The following PALM2AKAP2 variants were observed in gnomAD, a reference collection of about 807,000 sequenced individuals.
PALM2AKAP2 encodes PALM2-AKAP2 fusion protein.
In PALM2AKAP2, 37 loss-of-function variants were observed where a neutral mutation model predicts 71.5. That is an observed-to-expected ratio of 0.52 (90% CI 0.40 to 0.68). The LOEUF (loss-of-function observed/expected upper bound fraction) is 0.68. Ranked by LOEUF, PALM2AKAP2 falls within the 30% of genes least tolerant of loss-of-function variation. The pLI, the probability that PALM2AKAP2 is intolerant of heterozygous loss-of-function variation, is 0.00. For synonymous variants in PALM2AKAP2, 468 were observed against 478.8 expected, an observed-to-expected ratio of 0.98 and a Z score of 0.29; for missense variants, 1,224 against 1,191.8, an observed-to-expected ratio of 1.03 and a Z score of -0.40.
At chr9:110,135,164 A>AAATATATATATATATATATAT in intron 1 of PALM2AKAP2, among the ~76,000 whole-genome samples, 3 of 51,704 alleles carry the variant, frequency 5.8e-5, no homozygotes, top group East Asian at 1.3e-3. Context: ...AAAAAAAAAA[A>AAATATATATATATATATATAT]ATATATAAAT....
In PALM2AKAP2 at chr9:109,896,026, A is replaced by C. The variant is rs200099739; in HGVS notation, c.257+15345A>C. ...TGGTGAAACCCCGTCTCTACTAAAAATACAAAAAATTAGCTGGGCATGGTG... is the reference window on the plus strand; with the variant it reads ...TGGTGAAACCCCGTCTCTACTAAAACTACAAAAAATTAGCTGGGCATGGTG... On this transcript the variant is annotated intron_variant, in intron 3 of 9. Coordinates refer to the PALM2AKAP2 transcript ENST00000302798. Among the ~76,000 whole-genome samples the C allele has an allele frequency of 2.7e-4, 41 of 152,264 alleles. No individual in the cohort carries two copies. In the East Asian group the frequency reaches 7.7e-3, roughly 29 times the overall value.
intron 6 of PALM2AKAP2, among the ~76,000 whole-genome samples, chr9:109,935,527 G>A (rs1831199997): frequency 6.6e-6 from 1 of 152,172 alleles, no homozygotes; most frequent in Admixed American, 6.5e-5. Flanking sequence ...AATGCAATTT[G>A]CCTATTCTTT....
intron 1 of PALM2AKAP2, among the ~76,000 whole-genome samples, chr9:109,845,114 A>G (rs1167515638): frequency 1.3e-5 from 2 of 152,224 alleles, no homozygotes; most frequent in Non-Finnish European, 2.9e-5. Flanking sequence ...CTGCTTACTA[A>G]GTGCATTTGA....
chr9:110,076,469 A>G (rs1044086221), intron 1 of PALM2AKAP2, among the ~76,000 whole-genome samples: 1 of 139,452 alleles, frequency 7.2e-6, no homozygotes, highest in African/African-American at 2.9e-5. Flanking sequence ...CTGAGGATAT[A>G]TAGGTATATC....
chr9:109,673,229 T>C (rs1276991523), intron 1 of PALM2AKAP2, among the ~76,000 whole-genome samples: 2 of 152,048 alleles, frequency 1.3e-5, no homozygotes, highest in African/African-American at 2.4e-5. Context: ...CTCTAAATTT[T>C]TGATGTGGGC....
At chr9:110,097,942 C>G (rs937867628) in intron 1 of PALM2AKAP2, among the ~76,000 whole-genome samples, 5 of 141,596 alleles carry the variant, frequency 3.5e-5, no homozygotes, top group Non-Finnish European at 6.0e-5. Flanking sequence ...GCGGATCACT[C>G]GTGGTAAGGA....
At chr9:109,997,772 A>C (rs1289420715) in intron 6 of PALM2AKAP2, among the ~76,000 whole-genome samples, 2 of 147,026 alleles carry the variant, frequency 1.4e-5, no homozygotes, top group African/African-American at 4.9e-5. Context: ...CTCAGGACCA[A>C]GGAAGAGCCA....
At chr9:110,118,677 A>C (rs1835419513) in intron 1 of PALM2AKAP2, among the ~76,000 whole-genome samples, 1 of 152,080 alleles carries the variant, frequency 6.6e-6, no homozygotes, top group Non-Finnish European at 1.5e-5. Flanking sequence ...CTTTTTTCAG[A>C]AGTTAATATA....
intron 1 of PALM2AKAP2, among the ~76,000 whole-genome samples, chr9:109,818,317 A>G (rs949858769): frequency 3.3e-5 from 5 of 152,196 alleles, no homozygotes; most frequent in African/African-American, 9.7e-5. Context: ...TCTTATAAAC[A>G]TAGGAGCTAT....
rs756483372 is a variant in PALM2AKAP2, at chr9:110,168,518, C to A, written c.*21C>A. 3.7e-6 allele frequency: 6 copies of A among 1,612,996 alleles called. No individual in the cohort carries two copies. The South Asian group carries it at 4.4e-5, about 12-fold the overall frequency. The stretch of plus-strand genomic sequence containing the variant: ...AATAAACTTCCTTCAACCCAGGAAG[C>A]GTCTTTGGTGCTTGGGAGACCAAGA... On this transcript the variant is annotated 3_prime_UTR_variant, in exon 4 of 4. Coordinates refer to ENST00000374525, the Ensembl canonical transcript of PALM2AKAP2.
chr9:110,128,983 C>CT (rs1432629914), intron 1 of PALM2AKAP2, among the ~76,000 whole-genome samples: 1 of 152,234 alleles, frequency 6.6e-6, no homozygotes. Flanking sequence ...TAGAATCTCA[C>CT]TTGTGGTGTT....
intron 1 of PALM2AKAP2, among the ~76,000 whole-genome samples, chr9:109,670,170 T>C (rs1344008964): frequency 2.0e-5 from 3 of 152,170 alleles, no homozygotes; most frequent in Non-Finnish European, 4.4e-5. Flanking sequence ...GTTACATAGG[T>C]AGACTTGTGT....
At chr9:110,013,604 C>T (rs1259413930) in intron 6 of PALM2AKAP2, among the ~76,000 whole-genome samples, 2 of 152,206 alleles carry the variant, frequency 1.3e-5, no homozygotes, top group South Asian at 4.1e-4. Flanking sequence ...CAACACTCCT[C>T]TGACCCAATT....
chr9:109,989,789 C>T (rs1005776805), intron 6 of PALM2AKAP2, among the ~76,000 whole-genome samples: 1 of 152,228 alleles, frequency 6.6e-6, no homozygotes, highest in South Asian at 2.1e-4. Flanking sequence ...CTTGTCCCAT[C>T]TAAGATATAA....
chr9:109,906,250 G>T (rs1275174924), intron 3 of PALM2AKAP2, among the ~76,000 whole-genome samples: 1 of 152,234 alleles, frequency 6.6e-6, no homozygotes, highest in Admixed American at 6.5e-5. Context: ...CCAGGCTGGA[G>T]TGCAGTGGTG....
chr9:110,026,944 G>A (rs1833191787), intron 7 of PALM2AKAP2, among the ~76,000 whole-genome samples: 1 of 152,138 alleles, frequency 6.6e-6, no homozygotes, highest in African/African-American at 2.4e-5. Context: ...TCTGGAGGCT[G>A]AGGCACGAGA....
At chr9:110,144,703 T>G (rs1036715978) in intron 2 of PALM2AKAP2, among the ~76,000 whole-genome samples, 12 of 152,188 alleles carry the variant, frequency 7.9e-5, no homozygotes, top group Non-Finnish European at 1.5e-4. Flanking sequence ...GAAGAAGAAT[T>G]AGTTACATTA....
chr9:110,112,464 T>C (rs1474540562), intron 1 of PALM2AKAP2, among the ~76,000 whole-genome samples: 2 of 152,196 alleles, frequency 1.3e-5, no homozygotes, highest in African/African-American at 2.4e-5. Flanking sequence ...TGAGATAATG[T>C]ATGTAAATGT....
At chr9:110,090,405 T>C (rs1254029961) in intron 1 of PALM2AKAP2, 3 of 456,608 alleles carry the variant, frequency 6.6e-6, no homozygotes. Flanking sequence ...GATGCTGTTC[T>C]CTCTCTTCAC....
Sources: gnomAD v4.1 joint callset for allele counts (sites outside exome capture counted in the v4.1 genomes callset) on GRCh38, gnomAD v4.1.1 for gene constraint, MANE v1.5 for transcripts, NCBI Gene and HGNC (gene_info 2026-07-23, HGNC 2026-07-21) for gene names.